Variants in MTBP observed in about 807,000 individuals in gnomAD.
MTBP encodes MDM2 binding protein.
Under a neutral mutation model 117.0 loss-of-function variants are expected in MTBP, and 101 were observed. That is an observed-to-expected ratio of 0.86 (90% CI 0.73 to 1.02). The LOEUF is 1.02. MTBP is among the 50% of genes least tolerant of loss of function. The probability of loss-of-function intolerance (pLI) is 0.00; values close to 1 mark genes in which losing one functional copy is unlikely to be tolerated. For synonymous variants in MTBP, 350 were observed against 351.5 expected (o/e 1.00, Z 0.05); for missense variants, 970 against 1,030.9 (o/e 0.94, Z 0.81).
intron 7 of MTBP, 73 bp from the exon 8 acceptor site, chr8:120,459,142 T>A: frequency 7.7e-7 from 1 of 1,295,002 alleles, no homozygotes; most frequent in Non-Finnish European, 1.1e-6. Context: ...ACTTTTACAT[T>A]GTAATAAGAT....
At chr8:120,460,417 A>G (rs543329140) in intron 8 of MTBP, among the ~76,000 whole-genome samples, 1 of 152,286 alleles carries the variant, frequency 6.6e-6, no homozygotes, top group South Asian at 2.1e-4. Context: ...ATAGATATAT[A>G]TACACTTAAT....
chr8:120,474,055 T>G (rs1249905264), intron 11 of MTBP: 1 of 152,018 alleles, frequency 6.6e-6, no homozygotes, highest in Admixed American at 6.6e-5. Flanking sequence ...GCGTGGGGGT[T>G]TTTTTGGCCT....
chr8:120,446,419 C>G lies in MTBP; in HGVS notation c.119-14C>G. 3.2e-6 allele frequency: 5 copies of G among 1,560,884 alleles called. No individual in the cohort carries two copies. The highest frequency in any genetic ancestry group is 4.4e-6 in the Non-Finnish European group (5 of 1,132,210). On this transcript the variant is annotated splice_polypyrimidine_tract_variant and intron_variant, in intron 1 of 21. Coordinates refer to ENST00000305949, the MANE Select transcript of MTBP (RefSeq NM_022045.5). ...TCTAGAGCCCTTTGAGTTAGTCTAT[C>G]TTTTCTTTTTCAGACTTCACAGCAG...
intron 12 of MTBP, among the ~76,000 whole-genome samples, 188 bp downstream of exon 12, chr8:120,488,520 G>A (rs1250205534): frequency 1.3e-5 from 2 of 152,102 alleles, no homozygotes; most frequent in African/African-American, 4.8e-5. Context: ...AATGTGCAAA[G>A]AGCAAATTGC....
Position 120,522,793 on chromosome 8 carries a change from A to G in MTBP, c.2676+74A>G, listed in dbSNP as rs1245497449. 2.6e-6 allele frequency: 3 copies of G among 1,143,792 alleles called. No homozygotes were observed. The East Asian group carries it at 7.5e-5, about 29-fold the overall frequency. The allele number at this position is 1,143,792 out of a possible 1,614,324, so 70.9% of individuals were successfully genotyped here. Reference sequence around the variant, plus strand: ...ATTTCAGGGTTGCTCTGATGCCATTATATATGCAGCAGTAATCAGTTACTG... The same window carrying G: ...ATTTCAGGGTTGCTCTGATGCCATTGTATATGCAGCAGTAATCAGTTACTG... On this transcript the variant is annotated intron_variant, in intron 21 of 21. Coordinates refer to ENST00000305949, the MANE Select transcript of MTBP (RefSeq NM_022045.5).
intron 2 of MTBP, among the ~76,000 whole-genome samples, chr8:120,447,042 T>C (rs571821462): frequency 4.9e-4 from 75 of 152,300 alleles, no homozygotes; most frequent in African/African-American, 1.7e-3. Flanking sequence ...TCCTTTAGCT[T>C]CTACTGGCAT....
chr8:120,511,937 G>T (rs1814818961), intron 17 of MTBP, among the ~76,000 whole-genome samples: 1 of 151,878 alleles, frequency 6.6e-6, no homozygotes, highest in Non-Finnish European at 1.5e-5. Context: ...TGAAGATTTG[G>T]TTCTTCTTCT....
At chr8:120,450,092 G>T (rs1336771532) in intron 2 of MTBP, among the ~76,000 whole-genome samples, 1 of 152,110 alleles carries the variant, frequency 6.6e-6, no homozygotes, top group African/African-American at 2.4e-5. Flanking sequence ...CAATGACAAA[G>T]AACAGACAGA....
At chr8:120,470,733 G>C (rs1813798893) in intron 10 of MTBP, 87 bp from the exon 11 acceptor site, 2 of 973,054 alleles carry the variant, frequency 2.1e-6, no homozygotes, top group Non-Finnish European at 3.1e-6. Context: ...TTACATTGGT[G>C]AAATATGAGT....
intron 11 of MTBP, among the ~76,000 whole-genome samples, chr8:120,479,741 C>T (rs1411088246): frequency 6.6e-6 from 1 of 152,070 alleles, no homozygotes; most frequent in African/African-American, 2.4e-5. Flanking sequence ...TCCAAATAAC[C>T]TATAGGTCAA....
chr8:120,455,330 T>G, intron 5 of MTBP, 105 bp from the exon 6 acceptor site: 1 of 580,126 alleles, frequency 1.7e-6, no homozygotes, highest in African/African-American at 2.0e-5. Context: ...AATATAAAAC[T>G]AATTTTTCTA....
Position 120,488,258 on chromosome 8 carries a change from A to G in MTBP, c.1265A>G (p.Asn422Ser). 1 of 1,590,290 alleles carries G rather than the reference A, an allele frequency of 6.3e-7. No individual in the cohort carries two copies. Among genetic ancestry groups the G allele is most frequent in the Non-Finnish European group, 8.5e-7 (1 of 1,171,522 alleles). Reference protein sequence around the residue: ...RCKATLIHSANQINGSFALNL... With the variant: ...RCKATLIHSASQINGSFALNL... ...AAAGCCACATTGATTCACTCAGCCA[A>G]CCAGATCAATGGCTCATTTGCACTC... The change falls in exon 12 of 22, where the codon AAC becomes AGC. Residue 422 changes from asparagine to serine, a missense_variant. Transcript: ENST00000305949.
Position 120,517,972 on chromosome 8 carries a change from C to G in MTBP, c.2368C>G (p.Pro790Ala). ...QTERSLPVTC[P>A]LVPIPSCETP... is the part of the protein sequence containing the mutation. ...AGAACGGTCCTTACCAGTGACTTGT[C>G]CATTGGTTCCAATTCCTAGCTGTGA... The change falls in exon 19 of 22, where the codon CCA becomes GCA. Residue 790 changes from proline to alanine, a missense_variant. By Grantham distance (27) the Pro-to-Ala change is conservative. Transcript: ENST00000305949. 6.2e-7 allele frequency: 1 copy of G among 1,612,790 alleles called. No homozygotes were observed. Among genetic ancestry groups the G allele is most frequent in the South Asian group, 1.1e-5 (1 of 91,044 alleles).
chr8:120,506,323 T>C (rs536812152), intron 15 of MTBP, among the ~76,000 whole-genome samples: 58 of 152,242 alleles, frequency 3.8e-4, no homozygotes, highest in Non-Finnish European at 7.6e-4. Flanking sequence ...ATTTATAGTA[T>C]TGTGGGGTTT....
chr8:120,453,997 C>T, intron 5 of MTBP, 92 bp downstream of exon 5: 1 of 673,914 alleles, frequency 1.5e-6, no homozygotes, highest in Non-Finnish European at 2.4e-6. Context: ...TTAGTGTTCT[C>T]ACTCTAATCT....
intron 11 of MTBP, among the ~76,000 whole-genome samples, chr8:120,477,237 A>G (rs1184661846): frequency 6.6e-6 from 1 of 152,242 alleles, no homozygotes; most frequent in African/African-American, 2.4e-5. Flanking sequence ...CTTACACCTT[A>G]TACAAAAATT....
At position 120,517,862 on chromosome 8, in the gene MTBP, C is replaced by A. The variant is rs1396921892; in HGVS notation, c.2258C>A (p.Ser753Tyr). ...CCCCTGCTATATAGACTTGTGAAAT[C>A]TGAAAGTTCAGAGTCTCTTCTTTCT... The part of the protein sequence containing the change: ...CLYPRKRLVK[S>Y]ESSESLLSQT... Residue 753 changes from serine to tyrosine, a missense_variant, in exon 19 of 22, where the codon TCT (serine) becomes TAT (tyrosine). Ser to Tyr is a moderately radical substitution (Grantham distance 144, BLOSUM62 -2). Coordinates refer to ENST00000305949, the MANE Select transcript of MTBP (RefSeq NM_022045.5). The A allele has an allele frequency of 4.3e-6, 7 of 1,610,316 alleles. No individual in the cohort carries two copies. The highest frequency in any genetic ancestry group is 1.1e-5 in the South Asian group (1 of 90,768).
chr8:120,502,659 G>C (rs1190825659), intron 15 of MTBP, 50 bp downstream of exon 15: 1 of 1,147,890 alleles, frequency 8.7e-7, no homozygotes, highest in Non-Finnish European at 1.2e-6. Context: ...TAATTTGAAT[G>C]AATTTTTTAA....
At chr8:120,502,184 C>T (rs1355155045) in intron 14 of MTBP, among the ~76,000 whole-genome samples, 2 of 152,162 alleles carry the variant, frequency 1.3e-5, no homozygotes, top group Admixed American at 1.3e-4. Context: ...GAACTGTTTT[C>T]ACCCAAAATA....
Sources: allele counts gnomAD v4.1 joint callset (sites outside exome capture counted in the v4.1 genomes callset), GRCh38; gene constraint gnomAD v4.1.1; transcripts MANE v1.5; gene names NCBI Gene and HGNC (gene_info 2026-07-23, HGNC 2026-07-21).